The following LMO2 variants were observed in gnomAD, a reference collection of about 807,000 sequenced individuals.
LMO2 encodes the protein LIM domain only 2, also known as rhombotin-2.
In LMO2, 20 loss-of-function variants were observed where a neutral mutation model predicts 23.2. The observed-to-expected ratio is 0.86, with a 90% confidence interval of 0.61 to 1.25. LMO2 has a LOEUF of 1.25. Ranked by LOEUF, LMO2 falls within the 50% of genes most tolerant of loss-of-function variation. The probability of loss-of-function intolerance (pLI) is 0.00; values close to 1 mark genes in which losing one functional copy is unlikely to be tolerated. For synonymous variants in LMO2, 123 were observed against 130.2 expected (o/e 0.94, Z 0.38); for missense variants, 270 against 315.3 (o/e 0.86, Z 1.09).
At position 33,866,833 on chromosome 11, in the gene LMO2, G is replaced by A. The variant is rs116530314; in HGVS notation, c.249-2016C>T. ...GCTAATTTTTTTTATTTTAAGTAGA[G>A]ACGAGGTTTCATTCACTGAAGCCTT... On this transcript the variant is annotated intron_variant, in intron 4 of 5. Transcript: ENST00000257818. Among the ~76,000 whole-genome samples, 752 of 152,248 alleles carry A rather than the reference G, an allele frequency of 4.9e-3. 3 individuals are homozygous for A. Among genetic ancestry groups the A allele is most frequent in the African/African-American group, 0.017 (720 of 41,530 alleles).
chr11:33,859,009 T>C lies in LMO2; in HGVS notation c.*347A>G. 3.1e-6 allele frequency: 1 copy of C among 318,470 alleles called. No homozygotes were observed. Among genetic ancestry groups the C allele is most frequent in the Non-Finnish European group, 5.9e-6 (1 of 169,968 alleles). 19.7% of individuals were successfully genotyped at this position (318,470 alleles called of 1,614,324 possible). A position where few individuals can be genotyped will look rare whatever the true frequency, so the allele number is the denominator to read the frequency against. On this transcript the variant is annotated 3_prime_UTR_variant, in exon 6 of 6. Transcript: ENST00000257818. ...TCGCAAGCGTCAAAGTCACAACAAG[T>C]CTGTACACAACAACTCTCTATCTGT...
chr11:33,883,430 A>G (rs572229296), intron 1 of LMO2, among the ~76,000 whole-genome samples: 1 of 152,354 alleles, frequency 6.6e-6, no homozygotes, highest in African/African-American at 2.4e-5. Context: ...AAGATGACAC[A>G]GAAAGTCAGT....
intron 1 of LMO2, among the ~76,000 whole-genome samples, chr11:33,886,917 G>GA (rs1352378971): frequency 2.0e-5 from 3 of 152,232 alleles, no homozygotes; most frequent in African/African-American, 7.2e-5. Flanking sequence ...CAGGCTGGTA[G>GA]AAACATGTTG....
chr11:33,888,371 C>G (rs1482357127), intron 1 of LMO2, among the ~76,000 whole-genome samples: 2 of 152,146 alleles, frequency 1.3e-5, no homozygotes, highest in African/African-American at 4.8e-5. Flanking sequence ...GAAGCTCTCC[C>G]AAGGTTTCCT....
At chr11:33,878,719 G>GGTGGT (rs1400720308) in intron 2 of LMO2, among the ~76,000 whole-genome samples, 2 of 152,188 alleles carry the variant, frequency 1.3e-5, no homozygotes, top group Non-Finnish European at 1.5e-5. Flanking sequence ...TGAAGCTCAT[G>GGTGGT]GTGGTGATCC....
At chr11:33,877,811 C>G (rs117467932) in intron 2 of LMO2, among the ~76,000 whole-genome samples, 2,862 of 151,986 alleles carry the variant, frequency 0.019, 49 homozygotes, top group Non-Finnish European at 0.033. Context: ...AGGAGTAGAG[C>G]TGGAATCTTG....
chr11:33,888,113 G>A (rs1857457377), intron 1 of LMO2, among the ~76,000 whole-genome samples: 1 of 152,210 alleles, frequency 6.6e-6, no homozygotes, highest in South Asian at 2.1e-4. Context: ...AGGAGACCAG[G>A]GAGCTATAGC....
At chr11:33,860,627 G>A (rs945398449) in intron 5 of LMO2, among the ~76,000 whole-genome samples, 1 of 152,090 alleles carries the variant, frequency 6.6e-6, no homozygotes, top group East Asian at 1.9e-4. Context: ...AGCCGGGTGC[G>A]GTGGTGCATG....
At chr11:33,859,716 G>A (rs1490070383) in intron 5 of LMO2, 141 bp from the exon 6 acceptor site, 4 of 660,602 alleles carry the variant, frequency 6.1e-6, no homozygotes, top group African/African-American at 1.8e-5. Flanking sequence ...AAGGAGGGCC[G>A]GCTAGTGCAG....
chr11:33,864,644 T>C lies in LMO2; in HGVS notation c.422A>G (p.Tyr141Cys), dbSNP rs1269201849. 2 of 1,613,748 alleles carry C rather than the reference T, an allele frequency of 1.2e-6. No homozygotes were observed. Among genetic ancestry groups the C allele is most frequent in the Non-Finnish European group, 8.5e-7 (1 of 1,179,994 alleles). The change falls in exon 5 of 6, where the codon TAC becomes TGC. Residue 141 changes from tyrosine to cysteine, a missense_variant. Coordinates refer to ENST00000257818, the MANE Select transcript of LMO2 (RefSeq NM_005574.4). This position sits in a 1 kb window ranked among gnomAD's most constrained non-coding sequence, Gnocchi z 4.8. Reference sequence around the variant, plus strand: ...GCAGAGCTTCCGGCCCAGTTTGTAGTAGAGGCGCCGCCCCACCTCACCCAG... The same window carrying C: ...GCAGAGCTTCCGGCCCAGTTTGTAGCAGAGGCGCCGCCCCACCTCACCCAG... ...CRLGEVGRRL[Y>C]YKLGRKLCRR...
At chr11:33,879,406 G>A (rs1234512506) in intron 2 of LMO2, among the ~76,000 whole-genome samples, 3 of 151,368 alleles carry the variant, frequency 2.0e-5, no homozygotes, top group South Asian at 2.1e-4. Context: ...GATCACCTGC[G>A]GTCAGGAGTT....
chr11:33,875,335 T>G (rs1356222112), intron 2 of LMO2, among the ~76,000 whole-genome samples: 2 of 152,100 alleles, frequency 1.3e-5, no homozygotes, highest in South Asian at 4.2e-4. Flanking sequence ...CCTGACACTT[T>G]CGGAGGCTGA....
At position 33,864,881 on chromosome 11, in the gene LMO2, G is replaced by C; in HGVS notation, c.249-64C>G. On this transcript the variant is annotated intron_variant, in intron 4 of 5. Transcript: ENST00000257818. This position sits in a 1 kb window ranked among gnomAD's most constrained non-coding sequence, Gnocchi z 4.8. ...AGTGAGACCAGCACCGAGGGTCCGA[G>C]ATCGTTTTGGGCCAGACAGGGCATC... The C allele has an allele frequency of 2.0e-6, 3 of 1,493,638 alleles. No individual in the cohort carries two copies. Among genetic ancestry groups the C allele is most frequent in the Non-Finnish European group, 2.8e-6 (3 of 1,080,064 alleles). 92.5% of individuals were successfully genotyped at this position (1,493,638 alleles called of 1,614,324 possible).
At chr11:33,868,788 T>C (rs1211545090) in intron 4 of LMO2, among the ~76,000 whole-genome samples, 2 of 152,106 alleles carry the variant, frequency 1.3e-5, no homozygotes, top group Non-Finnish European at 2.9e-5. Flanking sequence ...GCTCTAGAAA[T>C]CCCTGGAGGC....
chr11:33,884,445 G>T (rs1173447249), intron 1 of LMO2, among the ~76,000 whole-genome samples: 1 of 152,130 alleles, frequency 6.6e-6, no homozygotes, highest in Non-Finnish European at 1.5e-5. Context: ...CTGCCCCAGT[G>T]GGTGTTAACT....
intron 1 of LMO2, among the ~76,000 whole-genome samples, chr11:33,883,934 G>A (rs1477002528): frequency 1.3e-5 from 2 of 152,108 alleles, no homozygotes; most frequent in African/African-American, 4.8e-5. Flanking sequence ...CTGGGTATGG[G>A]GTCAGTTGGA....
intron 1 of LMO2, among the ~76,000 whole-genome samples, chr11:33,884,127 G>A (rs186571800): frequency 1.6e-4 from 24 of 152,288 alleles, no homozygotes; most frequent in Non-Finnish European, 2.8e-4. Context: ...TACTTATGCA[G>A]GCATAGGCAG....
intron 2 of LMO2, among the ~76,000 whole-genome samples, chr11:33,878,896 T>C (rs1464388491): frequency 2.0e-5 from 3 of 152,200 alleles, no homozygotes; most frequent in Non-Finnish European, 4.4e-5. Flanking sequence ...GGTACTGATA[T>C]AGATATGGAG....
intron 2 of LMO2, among the ~76,000 whole-genome samples, chr11:33,879,635 C>T (rs764656272): frequency 7.9e-5 from 12 of 151,976 alleles, no homozygotes; most frequent in East Asian, 1.9e-4. Flanking sequence ...CCAACCTGGG[C>T]GACAGAGCAA....
Sources: allele counts gnomAD v4.1 joint callset (sites outside exome capture counted in the v4.1 genomes callset), GRCh38; gene constraint gnomAD v4.1.1; non-coding constraint Gnocchi (gnomAD v3.1); transcripts MANE v1.5; gene names NCBI Gene and HGNC (gene_info 2026-07-23, HGNC 2026-07-21).